The following HHLA1 variants were observed in gnomAD, a reference collection of about 807,000 sequenced individuals.
The protein encoded by HHLA1 is HERV-H LTR-associating protein 1.
In HHLA1, 72 loss-of-function variants were observed where a neutral mutation model predicts 69.9. The observed-to-expected ratio is 1.03, with a 90% CI of 0.85 to 1.25. The LOEUF (loss-of-function observed/expected upper bound fraction) is 1.25, where lower values mean the gene tolerates loss of function less well. Ranked by LOEUF, HHLA1 falls within the 50% of genes most tolerant of loss-of-function variation. The probability of loss-of-function intolerance (pLI) is 0.00; values close to 1 mark genes in which losing one functional copy is unlikely to be tolerated. For missense variants in HHLA1, 685 were observed against 642.2 expected, an observed-to-expected ratio of 1.07 and a Z score of -0.72; for synonymous variants, 252 against 233.2, an observed-to-expected ratio of 1.08 and a Z score of -0.73.
chr8:132,086,329 G>C (rs566785057), intron 10 of HHLA1, among the ~76,000 whole-genome samples: 1 of 152,252 alleles, frequency 6.6e-6, no homozygotes, highest in South Asian at 2.1e-4. Context: ...ACCTCCCCCA[G>C]AATGCATGTA....
intron 11 of HHLA1, among the ~76,000 whole-genome samples, chr8:132,079,263 A>G (rs1823697960): frequency 6.6e-6 from 1 of 152,250 alleles, no homozygotes; most frequent in South Asian, 2.1e-4. Context: ...AACCAGCTAC[A>G]GACTGACCTA....
intron 10 of HHLA1, among the ~76,000 whole-genome samples, chr8:132,082,588 C>T (rs961142477): frequency 2.5e-4 from 38 of 152,162 alleles, no homozygotes; most frequent in African/African-American, 9.2e-4. Context: ...GTAATGGGGG[C>T]TGTCTGTGAA....
intron 15 of HHLA1, among the ~76,000 whole-genome samples, chr8:132,067,874 C>A (rs1823468319): frequency 6.6e-6 from 1 of 152,176 alleles, no homozygotes; most frequent in Non-Finnish European, 1.5e-5. Context: ...TAGCTCAAGA[C>A]CACATAGCTT....
At chr8:132,074,396 T>C (rs1444190594) in intron 14 of HHLA1, among the ~76,000 whole-genome samples, 1 of 152,110 alleles carries the variant, frequency 6.6e-6, no homozygotes, top group Non-Finnish European at 1.5e-5. Context: ...AAGCACAAGC[T>C]TTGAAATTAG....
chr8:132,070,225 C>G, intron 15 of HHLA1: 1 of 666,892 alleles, frequency 1.5e-6, no homozygotes, highest in Non-Finnish European at 2.7e-6. Context: ...GGTTTACAGC[C>G]AAGAATAAAT....
At chr8:132,088,330 A>G (rs994614642) in intron 8 of HHLA1, among the ~76,000 whole-genome samples, 4 of 152,236 alleles carry the variant, frequency 2.6e-5, no homozygotes, top group Non-Finnish European at 5.9e-5. Context: ...ATGTGAAGCT[A>G]TGATAGTTTT....
At chr8:132,089,289 A>T (rs1024888406) in intron 8 of HHLA1, among the ~76,000 whole-genome samples, 2 of 152,180 alleles carry the variant, frequency 1.3e-5, no homozygotes, top group Admixed American at 6.5e-5. Context: ...TGAGCTTTGG[A>T]TTCTTCCTCC....
rs183269804 is a variant in HHLA1, at chr8:132,091,005, C to T, written c.449-1406G>A. Among the ~76,000 whole-genome samples the T allele has an allele frequency of 2.6e-4, 40 of 152,224 alleles. 1 individual carries two copies. The highest frequency in any genetic ancestry group is 1.2e-3 in the East Asian group (6 of 5,166). ...CGATCTCCTGACCTTGTGCTCCACCCGCCTCGGCCTCCTTCTCTGTCTCTT... is the reference window on the plus strand; with the variant it reads ...CGATCTCCTGACCTTGTGCTCCACCTGCCTCGGCCTCCTTCTCTGTCTCTT... On this transcript the variant is annotated intron_variant, in intron 7 of 16. Coordinates refer to ENST00000414222, the MANE Select transcript of HHLA1 (RefSeq NM_001145095.3).
intron 11 of HHLA1, among the ~76,000 whole-genome samples, chr8:132,079,262 C>G (rs1317938686): frequency 1.3e-5 from 2 of 152,236 alleles, no homozygotes; most frequent in East Asian, 1.9e-4. Flanking sequence ...AAACCAGCTA[C>G]AGACTGACCT....
At chr8:132,091,695 T>G (rs1395052082) in intron 7 of HHLA1, among the ~76,000 whole-genome samples, 1 of 152,194 alleles carries the variant, frequency 6.6e-6, no homozygotes, top group African/African-American at 2.4e-5. Flanking sequence ...TACAAAACCC[T>G]TTTTACCTAT....
In HHLA1 at chr8:132,087,835, A is replaced by G. The variant is rs1563745790; in HGVS notation, c.589+10T>C. ...CCAGAGAGCTTGTCAAAGAATGTCT[A>G]GTGGTTTACCTGACTTTCCTGTCAT... On this transcript the variant is annotated intron_variant, in intron 9 of 16. Transcript: ENST00000414222. The G allele has an allele frequency of 6.5e-7, 1 of 1,550,356 alleles. No homozygotes were observed. The highest frequency in any genetic ancestry group is 1.7e-4 in the Middle Eastern group (1 of 5,986).
Position 132,079,885 on chromosome 8 carries a change from T to G in HHLA1, c.758A>C (p.His253Pro), listed in dbSNP as rs1269614008. The change falls in exon 11 of 17, where the codon CAC (histidine) becomes CCC (proline). Residue 253 changes from histidine (H) to proline (P), a missense_variant. His to Pro is a moderately conservative substitution (Grantham distance 77). Coordinates refer to ENST00000414222, the MANE Select transcript of HHLA1 (RefSeq NM_001145095.3). ...QKTLPSTSPG[H>P]WTQSTPWASA... ...TGCCCAGGGTGTGCTCTGGGTCCAG[T>G]GTCCGGGGCTTGTACTTGGTAGTGT... The G allele has an allele frequency of 6.4e-7, 1 of 1,552,190 alleles. No homozygotes were observed. Among genetic ancestry groups the G allele is most frequent in the Non-Finnish European group, 8.7e-7 (1 of 1,147,096 alleles).
At chr8:132,099,984 C>T (rs1244897601) in intron 4 of HHLA1, 91 bp downstream of exon 4, 16 of 913,040 alleles carry the variant, frequency 1.8e-5, no homozygotes, top group South Asian at 4.3e-5. Flanking sequence ...ATGACGTTCT[C>T]GCCACTGTGG....
chr8:132,078,080 A>G (rs1007240300), intron 11 of HHLA1, 109 bp from the exon 12 acceptor site: 1 of 1,188,582 alleles, frequency 8.4e-7, no homozygotes, highest in African/African-American at 1.5e-5. Context: ...ATGCAATGTG[A>G]ACGTGTAATA....
In HHLA1 at chr8:132,064,001, A is replaced by G. The variant is rs1345931518; in HGVS notation, c.1590T>C (p.Ser530=). The change falls in exon 17 of 17, where the codon TCT becomes TCC. Residue 530 remains serine, a synonymous_variant. Transcript: ENST00000414222. ...TAGTGTTATTTTCAAGGCCTCACAC[A>G]GACTTGCAGATATTCTCAAGGCACT... ...KQKCLENICK[S]V 1 of 1,302,428 alleles carries G rather than the reference A, an allele frequency of 7.7e-7. No individual in the cohort carries two copies. The highest frequency in any genetic ancestry group is 1.0e-6 in the Non-Finnish European group (1 of 986,896). The allele number at this position is 1,302,428 out of a possible 1,614,324, so 80.7% of individuals were successfully genotyped here.
chr8:132,101,582 A>AT (rs56123548), intron 3 of HHLA1, among the ~76,000 whole-genome samples: 46,791 of 145,174 alleles, frequency 0.32, 7,516 homozygotes, highest in Middle Eastern at 0.4. Flanking sequence ...TACCCTATTA[A>AT]TTTTTTTTTT....
At chr8:132,089,275 C>A (rs1443130575) in intron 8 of HHLA1, among the ~76,000 whole-genome samples, 1 of 152,168 alleles carries the variant, frequency 6.6e-6, no homozygotes, top group Non-Finnish European at 1.5e-5. Flanking sequence ...GTTCCTTAAA[C>A]TTTTGAGCTT....
intron 15 of HHLA1, among the ~76,000 whole-genome samples, chr8:132,071,052 TTCAAC>T (rs955560235): frequency 6.6e-6 from 1 of 152,064 alleles, no homozygotes; most frequent in African/African-American, 2.4e-5. Flanking sequence ...ACAACTCCAA[TTCAAC>T]TCAACTCAAC....
At chr8:132,103,586 C>G (rs1324071318) in intron 3 of HHLA1, among the ~76,000 whole-genome samples, 1 of 151,842 alleles carries the variant, frequency 6.6e-6, no homozygotes, top group Non-Finnish European at 1.5e-5. Context: ...CCACCTGACT[C>G]CCATCTGGGT....
Sources: allele counts gnomAD v4.1 joint callset (sites outside exome capture counted in the v4.1 genomes callset), GRCh38; gene constraint gnomAD v4.1.1; transcripts MANE v1.5; gene names NCBI Gene and HGNC (gene_info 2026-07-23, HGNC 2026-07-21).